LARP4B: variants seen among roughly 807,000 people sequenced by gnomAD.
LARP4B encodes the protein La ribonucleoprotein 4B.
A neutral mutation model predicts 89.8 loss-of-function variants in LARP4B; 12 were observed. The ratio of observed to expected loss-of-function variants is 0.13; its 90% confidence interval spans 0.09 to 0.22. The LOEUF (loss-of-function observed/expected upper bound fraction) is 0.22, where lower values mean the gene tolerates loss of function less well. Among genes scored for constraint, LARP4B ranks in the 10% least tolerant of loss-of-function variants. LARP4B has a pLI of 1.00. For synonymous variants in LARP4B, 367 were observed against 363.3 expected (o/e 1.01, Z -0.12); for missense variants, 757 against 947.7 (o/e 0.80, Z 2.64).
intron 8 of LARP4B, among the ~76,000 whole-genome samples, chr10:832,767 C>T (rs1196842424): frequency 1.3e-5 from 2 of 152,106 alleles, no homozygotes; most frequent in Admixed American, 1.3e-4. Context: ...CCCAAACATA[C>T]TAAAGCTGAA....
chr10:839,899 T>C (rs1455173258), intron 7 of LARP4B, among the ~76,000 whole-genome samples: 1 of 152,224 alleles, frequency 6.6e-6, no homozygotes, highest in African/African-American at 2.4e-5. Context: ...TAAATGTCTA[T>C]AACTGCTAGG....
chr10:836,378 A>G (rs749046271), intron 8 of LARP4B, 25 bp downstream of exon 8: 1 of 1,449,456 alleles, frequency 6.9e-7, no homozygotes, highest in South Asian at 1.2e-5. Flanking sequence ...ATGTCCAAGT[A>G]ACCTTCAGAG....
intron 8 of LARP4B, among the ~76,000 whole-genome samples, chr10:832,631 C>A (rs1291941607): frequency 6.6e-6 from 1 of 152,092 alleles, no homozygotes; most frequent in Non-Finnish European, 1.5e-5. Context: ...TGATAAAAAC[C>A]ACAGAAAACG....
chr10:958,459 C>T, the LARP4B span, among the ~76,000 whole-genome samples: 1 of 152,206 alleles, frequency 6.6e-6, no homozygotes, highest in African/African-American at 2.4e-5. Flanking sequence ...ATCCTGCAGC[C>T]TAAGGCAGGT....
At chr10:830,606 T>C (rs1288688293) in intron 9 of LARP4B, among the ~76,000 whole-genome samples, 1 of 152,228 alleles carries the variant, frequency 6.6e-6, no homozygotes, top group African/African-American at 2.4e-5. Context: ...TCTGCCCAGA[T>C]AGAAGAACAA....
chr10:871,334 C>T (rs987416002), intron 3 of LARP4B, among the ~76,000 whole-genome samples: 2 of 152,230 alleles, frequency 1.3e-5, no homozygotes, highest in Admixed American at 1.3e-4. Flanking sequence ...GGGAGACTTG[C>T]CATCGGGGGG....
intron 5 of LARP4B, among the ~76,000 whole-genome samples, chr10:859,155 TG>T (rs1806023105): frequency 6.6e-6 from 1 of 152,096 alleles, no homozygotes; most frequent in African/African-American, 2.4e-5. Flanking sequence ...GGCTCACACC[TG>T]TAATCTAGGC....
the LARP4B span, among the ~76,000 whole-genome samples, chr10:966,556 C>T: frequency 2.6e-5 from 4 of 152,248 alleles, no homozygotes; most frequent in Non-Finnish European, 5.9e-5. Flanking sequence ...CACATCCTAC[C>T]GAGGAAGCCG....
chr10:965,164 T>G, the LARP4B span, among the ~76,000 whole-genome samples: 6 of 152,320 alleles, frequency 3.9e-5, no homozygotes, highest in Non-Finnish European at 5.9e-5. Context: ...AATGGGTCCT[T>G]CCAGCCGTGT....
intron 15 of LARP4B, 39 bp downstream of exon 15, chr10:817,684 GAC>G (rs769235151): frequency 6.3e-7 from 1 of 1,582,240 alleles, no homozygotes; most frequent in Non-Finnish European, 8.7e-7. Context: ...CCCGTACCTA[GAC>G]ACTGTTGGCA....
chr10:908,366 T>C (rs529238291), intron 1 of LARP4B, among the ~76,000 whole-genome samples: 4 of 152,348 alleles, frequency 2.6e-5, no homozygotes, highest in African/African-American at 9.6e-5. Flanking sequence ...TCCTTTGTAA[T>C]ATCCTTCAAA....
At chr10:939,411 T>C in the LARP4B span, among the ~76,000 whole-genome samples, 1 of 152,226 alleles carries the variant, frequency 6.6e-6, no homozygotes, top group Non-Finnish European at 1.5e-5. Flanking sequence ...TTTATAACTC[T>C]CTAGGGCTAC....
At chr10:837,075 G>A (rs143533491) in intron 7 of LARP4B, among the ~76,000 whole-genome samples, 174 of 152,246 alleles carry the variant, frequency 1.1e-3, no homozygotes, top group African/African-American at 3.9e-3. Flanking sequence ...CCAGCATCAG[G>A]ATGAAAGTGG....
At chr10:923,996 T>C (rs774571114) in intron 1 of LARP4B, among the ~76,000 whole-genome samples, 1 of 152,146 alleles carries the variant, frequency 6.6e-6, no homozygotes, top group African/African-American at 2.4e-5. Flanking sequence ...ACATCTGTAA[T>C]CCCAACACTC....
chr10:864,183 C>A lies in LARP4B; in HGVS notation c.229G>T (p.Asp77Tyr). 1.2e-6 allele frequency: 2 copies of A among 1,614,230 alleles called. No homozygotes were observed. Among genetic ancestry groups the A allele is most frequent in the Middle Eastern group, 1.6e-4 (1 of 6,062 alleles). ...TCCTCCCATGCAGCACTCACACCGT[C>A]AGCAGCACTGCTTGCTTCCAGATGT... ...VLHLEASSAA[D>Y]GVSAAWEEVA... Residue 77 changes from aspartate to tyrosine, a missense_variant, in exon 4 of 18, where the codon GAC becomes TAC. Around this residue, in one of 5 missense-constraint regions of LARP4B, gnomAD observed 175 missense variants for 187.0 expected, o/e 0.94. Coordinates refer to ENST00000316157, the MANE Select transcript of LARP4B (RefSeq NM_015155.3).
At chr10:872,584 ACTG>A in intron 3 of LARP4B, among the ~76,000 whole-genome samples, 1 of 152,224 alleles carries the variant, frequency 6.6e-6, no homozygotes. Context: ...TCTCATCACC[ACTG>A]CTGAGGTGAA....
chr10:826,526 C>T (rs1832633419), intron 11 of LARP4B, among the ~76,000 whole-genome samples: 2 of 152,114 alleles, frequency 1.3e-5, no homozygotes, highest in Non-Finnish European at 2.9e-5. Context: ...TTTTAAGTAT[C>T]GGCCAACTAT....
the LARP4B span, among the ~76,000 whole-genome samples, chr10:982,590 A>G: frequency 2.6e-5 from 4 of 152,236 alleles, no homozygotes; most frequent in African/African-American, 9.6e-5. Flanking sequence ...AAGTTTTTAC[A>G]TATATACTTC....
At chr10:959,802 G>A in the LARP4B span, among the ~76,000 whole-genome samples, 4 of 84,598 alleles carry the variant, frequency 4.7e-5, no homozygotes, top group Admixed American at 1.5e-4. Flanking sequence ...CCACCTCCTC[G>A]TCATTCCCAC....
Sources: allele counts gnomAD v4.1 joint callset (sites outside exome capture counted in the v4.1 genomes callset), GRCh38; gene constraint gnomAD v4.1.1; regional missense constraint gnomAD v4.1.1; transcripts MANE v1.5; gene names NCBI Gene and HGNC (gene_info 2026-07-23, HGNC 2026-07-21).